UVRAG: variants seen among roughly 807,000 people sequenced by gnomAD.
UVRAG encodes UV radiation resistance associated.
Under a neutral mutation model 78.0 loss-of-function variants are expected in UVRAG, and 19 were observed. That is an observed-to-expected ratio of 0.24 (90% CI 0.17 to 0.36). UVRAG has a LOEUF of 0.36. Ranked by LOEUF, UVRAG falls within the 10% of genes least tolerant of loss-of-function variation. The pLI, the probability that UVRAG is intolerant of heterozygous loss-of-function variation, is 1.00. For missense variants in UVRAG, 740 were observed against 853.8 expected (o/e 0.87, Z 1.66); for synonymous variants, 323 against 324.6 (o/e 1.00, Z 0.05).
In UVRAG at chr11:76,076,007, T is replaced by C. The variant is rs144991021; in HGVS notation, c.1305+10219T>C. 2.1e-3 allele frequency among the ~76,000 whole-genome samples: 322 copies of C among 152,318 alleles called. 1 individual carries two copies. Among genetic ancestry groups the C allele is most frequent in the African/African-American group, 7.4e-3 (308 of 41,564 alleles). ...TATCCATTTACGAGTTGATAGACTT[T>C]TGGGATGTTTCCATTTCTTGGCTGT... On this transcript the variant is annotated intron_variant, in intron 13 of 14. Transcript: ENST00000356136.
At chr11:76,137,343 A>G in intron 14 of UVRAG, 1 of 456,022 alleles carries the variant, frequency 2.2e-6, no homozygotes, top group South Asian at 1.5e-5. Context: ...CAGAACAGAC[A>G]CCACTGAACA....
intron 3 of UVRAG, among the ~76,000 whole-genome samples, chr11:75,867,860 G>A (rs1035000042): frequency 6.6e-6 from 1 of 152,068 alleles, no homozygotes; most frequent in East Asian, 1.9e-4. Context: ...ATTTTAAATG[G>A]CAATTAAACT....
chr11:75,995,706 T>G (rs1949694169), intron 8 of UVRAG, among the ~76,000 whole-genome samples: 1 of 152,064 alleles, frequency 6.6e-6, no homozygotes, highest in Non-Finnish European at 1.5e-5. Context: ...CATTATTAAG[T>G]CTTGCATAAC....
At chr11:76,054,361 TA>T (rs1950937585) in intron 12 of UVRAG, among the ~76,000 whole-genome samples, 1 of 152,196 alleles carries the variant, frequency 6.6e-6, no homozygotes, top group East Asian at 1.9e-4. Flanking sequence ...TTCTCTTGCC[TA>T]AATTTTTGCA....
At position 75,936,747 on chromosome 11, in the gene UVRAG, A is replaced by G. The variant is rs149187180; in HGVS notation, c.594-24697A>G. 2.6e-5 allele frequency among the ~76,000 whole-genome samples: 4 copies of G among 152,318 alleles called. No homozygotes were observed. In the East Asian group the frequency reaches 7.7e-4, roughly 29 times the overall value. ...TTTTGTTTTAGTACAGAATAATAAT[A>G]ATAAAAAAACCCACTGTTGATTGAC... On this transcript the variant is annotated intron_variant, in intron 6 of 14. Transcript: ENST00000356136.
intron 12 of UVRAG, among the ~76,000 whole-genome samples, chr11:76,039,430 C>G (rs1185527809): frequency 1.3e-5 from 2 of 152,108 alleles, no homozygotes; most frequent in African/African-American, 4.8e-5. Context: ...CATAAGGATG[C>G]CAGTTGTCTT....
chr11:76,096,307 G>GA (rs1448209960), intron 13 of UVRAG, among the ~76,000 whole-genome samples: 4 of 152,062 alleles, frequency 2.6e-5, no homozygotes, highest in Non-Finnish European at 5.9e-5. Flanking sequence ...TGATAAGCCT[G>GA]AAAAAATGTA....
intron 14 of UVRAG, among the ~76,000 whole-genome samples, chr11:76,126,931 A>G (rs1952410218): frequency 6.6e-6 from 1 of 152,156 alleles, no homozygotes; most frequent in Admixed American, 6.5e-5. Context: ...CTCACCCCCA[A>G]CACACACGTA....
chr11:75,861,843 G>C, intron 3 of UVRAG, 63 bp downstream of exon 3: 1 of 1,381,928 alleles, frequency 7.2e-7, no homozygotes. Flanking sequence ...AGAAAATGCA[G>C]AAATGTAAAA....
In UVRAG at chr11:75,851,989, A is replaced by T. The variant is rs777016937; in HGVS notation, c.224A>T (p.Lys75Met). ...YFTLHLCSTEKIYKEFYRSEV... is the reference protein window; with the variant it reads ...YFTLHLCSTEMIYKEFYRSEV... Reference sequence around the variant, plus strand: ...ACACTTCACTTGTGTAGTACTGAAAAGATATATAAAGGTAAGGGGATCTGT... The same window carrying T: ...ACACTTCACTTGTGTAGTACTGAAATGATATATAAAGGTAAGGGGATCTGT... The change falls in exon 2 of 15, where the codon AAG becomes ATG. Residue 75 changes from lysine to methionine, a missense_variant. Coordinates refer to ENST00000356136, the MANE Select transcript of UVRAG (RefSeq NM_003369.4). 1.2e-6 allele frequency: 2 copies of T among 1,600,366 alleles called. No homozygotes were observed. Among genetic ancestry groups the T allele is most frequent in the African/African-American group, 2.7e-5 (2 of 74,250 alleles).
At chr11:75,882,742 C>G (rs1946979570) in intron 4 of UVRAG, among the ~76,000 whole-genome samples, 1 of 152,136 alleles carries the variant, frequency 6.6e-6, no homozygotes, top group African/African-American at 2.4e-5. Context: ...CTCTCTACTT[C>G]TATGAGTTCA....
chr11:76,069,702 G>A (rs923796137), intron 13 of UVRAG, among the ~76,000 whole-genome samples: 7 of 152,084 alleles, frequency 4.6e-5, no homozygotes, highest in Non-Finnish European at 1.0e-4. Flanking sequence ...AAAGTAAAAA[G>A]GGCAGATGCT....
chr11:75,894,508 G>A (rs1337298198), intron 5 of UVRAG, among the ~76,000 whole-genome samples: 1 of 151,998 alleles, frequency 6.6e-6, no homozygotes, highest in Non-Finnish European at 1.5e-5. Context: ...TTTAGAATTT[G>A]CTAGAAAAAA....
intron 13 of UVRAG, among the ~76,000 whole-genome samples, chr11:76,106,163 A>G (rs187706087): frequency 2.9e-4 from 44 of 152,344 alleles, no homozygotes; most frequent in Admixed American, 2.5e-3. Context: ...ACTCAGCAGT[A>G]AAAAGGACCA....
intron 12 of UVRAG, among the ~76,000 whole-genome samples, chr11:76,023,173 A>G (rs374042119): frequency 1.6e-4 from 25 of 152,034 alleles, no homozygotes; most frequent in Non-Finnish European, 5.9e-5. Context: ...ATTTCTTTAT[A>G]CAGCTTCAAG....
At chr11:75,852,024 AC>A in intron 2 of UVRAG, 24 bp downstream of exon 2, 1 of 1,439,364 alleles carries the variant, frequency 6.9e-7, no homozygotes, top group Non-Finnish European at 9.6e-7. Context: ...TGGCCTTACT[AC>A]CCACAGATTG....
chr11:75,944,417 G>T (rs1260335818), intron 6 of UVRAG, among the ~76,000 whole-genome samples: 1 of 152,168 alleles, frequency 6.6e-6, no homozygotes, highest in African/African-American at 2.4e-5. Context: ...TGACAGAAAA[G>T]ATAGGTCGAC....
chr11:75,927,479 A>G lies in UVRAG; in HGVS notation c.593+15440A>G, dbSNP rs377371199. Among the ~76,000 whole-genome samples the G allele has an allele frequency of 1.1e-3, 169 of 152,328 alleles. 3 individuals carry two copies. The South Asian group carries it at 0.027, about 24-fold the overall frequency. ...TTGTTATGTTCTAGGCTCTTGTTAT[A>G]TACTGAAAAAGAAAGAAAAAGTCCT... On this transcript the variant is annotated intron_variant, in intron 6 of 14. Transcript: ENST00000356136.
At chr11:75,928,988 C>G (rs1256144318) in intron 6 of UVRAG, among the ~76,000 whole-genome samples, 5 of 132,188 alleles carry the variant, frequency 3.8e-5, no homozygotes, top group African/African-American at 1.4e-4. Flanking sequence ...AATTTAGCAA[C>G]TTGGAGCTCA....
Sources: gnomAD v4.1 joint callset for allele counts (sites outside exome capture counted in the v4.1 genomes callset) on GRCh38, gnomAD v4.1.1 for gene constraint, MANE v1.5 for transcripts, NCBI Gene and HGNC (gene_info 2026-07-23, HGNC 2026-07-21) for gene names.